TSG101: variants seen among roughly 807,000 people sequenced by gnomAD.
TSG101 encodes tumor susceptibility gene 101 protein.
A neutral mutation model predicts 48.5 loss-of-function variants in TSG101; 19 were observed. The ratio of observed to expected loss-of-function variants is 0.39; its 90% confidence interval spans 0.27 to 0.58. The LOEUF (loss-of-function observed/expected upper bound fraction) is 0.58. Among genes scored for constraint, TSG101 ranks in the 20% least tolerant of loss-of-function variants. The pLI is 0.55. For synonymous variants in TSG101, 174 were observed against 169.4 expected (o/e 1.03, Z -0.21); for missense variants, 365 against 484.4 (o/e 0.75, Z 2.31).
chr11:18,519,228 C>G (rs1035867307), intron 2 of TSG101, among the ~76,000 whole-genome samples: 1 of 152,090 alleles, frequency 6.6e-6, no homozygotes, highest in African/African-American at 2.4e-5. Context: ...TGGTCTCAAC[C>G]TCCTGGGCTC....
intron 8 of TSG101, among the ~76,000 whole-genome samples, chr11:18,483,142 G>A (rs1032546545): frequency 2.0e-5 from 3 of 152,024 alleles, no homozygotes; most frequent in African/African-American, 7.2e-5. Context: ...GATCTGATGG[G>A]TTTATCAGGG....
At chr11:18,504,437 AGAAAG>A (rs1477926822) in intron 6 of TSG101, among the ~76,000 whole-genome samples, 2 of 151,980 alleles carry the variant, frequency 1.3e-5, no homozygotes, top group African/African-American at 4.8e-5. Flanking sequence ...CAAAAAAAAA[AGAAAG>A]CATTTTTGTT....
chr11:18,491,563 C>T (rs1212963563), intron 7 of TSG101, among the ~76,000 whole-genome samples: 2 of 152,212 alleles, frequency 1.3e-5, no homozygotes, highest in Admixed American at 6.5e-5. Context: ...GGGTTGCCCA[C>T]GTGTCTTTCC....
intron 1 of TSG101, among the ~76,000 whole-genome samples, chr11:18,525,249 T>C (rs536176269): frequency 1.3e-5 from 2 of 151,962 alleles, no homozygotes; most frequent in Non-Finnish European, 2.9e-5. Flanking sequence ...AATTTAAAGA[T>C]CAAAAATGTC....
chr11:18,496,442 AAAAAT>A (rs201480350), intron 7 of TSG101, among the ~76,000 whole-genome samples: 18,481 of 109,914 alleles, frequency 0.17, 1,875 homozygotes, highest in East Asian at 0.2. Flanking sequence ...ACTCTGTCTC[AAAAAT>A]AAAATAAAAT....
chr11:18,483,049 G>A (rs1565080535), intron 8 of TSG101, among the ~76,000 whole-genome samples: 1 of 152,056 alleles, frequency 6.6e-6, no homozygotes, highest in Non-Finnish European at 1.5e-5. Context: ...TGTGTAGCAG[G>A]GGGTGGGGAG....
intron 4 of TSG101, chr11:18,511,419 G>T (rs868057325): frequency 3.3e-4 from 51 of 152,264 alleles, no homozygotes; most frequent in African/African-American, 1.2e-3. Flanking sequence ...GTGAAAACTT[G>T]CTGATATCTA....
At chr11:18,520,957 G>C (rs961401026) in intron 1 of TSG101, among the ~76,000 whole-genome samples, 6 of 151,978 alleles carry the variant, frequency 3.9e-5, no homozygotes, top group Admixed American at 6.6e-5. Flanking sequence ...CTTGAACCCA[G>C]GAGGCAGAGG....
At chr11:18,509,712 G>A (rs781157078) in intron 4 of TSG101, 47 bp from the exon 5 acceptor site, 5 of 1,517,324 alleles carry the variant, frequency 3.3e-6, no homozygotes, top group Admixed American at 4.0e-5. Context: ...TTGCTTTTCA[G>A]TAAAAAGAAA....
intron 7 of TSG101, among the ~76,000 whole-genome samples, chr11:18,496,918 C>A (rs1353977512): frequency 1.3e-5 from 2 of 152,022 alleles, no homozygotes; most frequent in Non-Finnish European, 2.9e-5. Context: ...TGGTAAAACC[C>A]TGTCTCTACT....
At chr11:18,509,499 T>A in intron 5 of TSG101, 43 bp downstream of exon 5, 1 of 1,588,788 alleles carries the variant, frequency 6.3e-7, no homozygotes, top group Non-Finnish European at 8.6e-7. Context: ...TCTGTTCTCT[T>A]TTGTTTATAT....
At chr11:18,489,289 C>T (rs2133906589) in intron 7 of TSG101, among the ~76,000 whole-genome samples, 1 of 149,178 alleles carries the variant, frequency 6.7e-6, no homozygotes, top group East Asian at 2.0e-4. Flanking sequence ...GCGGTTATTT[C>T]ACAGGTGCAA....
chr11:18,491,552 T>C (rs1849702061), intron 7 of TSG101, among the ~76,000 whole-genome samples: 1 of 152,244 alleles, frequency 6.6e-6, no homozygotes, highest in African/African-American at 2.4e-5. Context: ...TGAAACTTTC[T>C]GGGTTGCCCA....
At chr11:18,526,603 C>T (rs1265170951) in intron 1 of TSG101, among the ~76,000 whole-genome samples, 172 bp downstream of exon 1, 2 of 152,248 alleles carry the variant, frequency 1.3e-5, no homozygotes, top group Non-Finnish European at 2.9e-5. Flanking sequence ...TACGGGGATT[C>T]CCGCACCAGG....
Position 18,526,919 on chromosome 11 carries a change from A to C in TSG101, c.-103T>G. ...TCGCACACCCCCAACCCGGCCTCAA[A>C]CAACAGGAAGTCGGCACCACTACAC... On this transcript the variant is annotated 5_prime_UTR_variant, in exon 1 of 10. Coordinates refer to ENST00000251968, the MANE Select transcript of TSG101 (RefSeq NM_006292.4). 2 of 1,331,448 alleles carry C rather than the reference A, an allele frequency of 1.5e-6. No individual in the cohort carries two copies. Among genetic ancestry groups the C allele is most frequent in the Non-Finnish European group, 2.1e-6 (2 of 971,146 alleles). 82.5% of individuals were successfully genotyped at this position (1,331,448 alleles called of 1,614,324 possible).
intron 6 of TSG101, among the ~76,000 whole-genome samples, chr11:18,506,074 A>G (rs1370853522): frequency 6.6e-6 from 1 of 152,040 alleles, no homozygotes; most frequent in Non-Finnish European, 1.5e-5. Flanking sequence ...ATCCGCCTGC[A>G]TCGGCCTCCG....
In TSG101 at chr11:18,489,579, T is replaced by C. The variant is rs145997806; in HGVS notation, c.641-5507A>G. On this transcript the variant is annotated intron_variant, in intron 7 of 9. Coordinates refer to ENST00000251968, the MANE Select transcript of TSG101 (RefSeq NM_006292.4). ...AAAGGGGATTTAGTCAGGTGTGTTATATGAGCACTTGGACTTTTCAAGGTG... is the reference window on the plus strand; with the variant it reads ...AAAGGGGATTTAGTCAGGTGTGTTACATGAGCACTTGGACTTTTCAAGGTG... Among the ~76,000 whole-genome samples, 212 of 152,360 alleles carry C rather than the reference T, an allele frequency of 1.4e-3. 1 individual carries two copies. Among genetic ancestry groups the C allele is most frequent in the African/African-American group, 4.6e-3 (193 of 41,576 alleles).
rs767870730 is a variant in TSG101 at position 18,480,542 on chromosome 11, G to A, written c.*4C>T. On this transcript the variant is annotated 3_prime_UTR_variant, in exon 10 of 10. Transcript: ENST00000251968. The stretch of plus-strand genomic sequence containing the variant: ...AGCTCAACCTCCAGCTGGTATCAGA[G>A]AAGTCAGTAGAGGTCACTGAGACCG... The A allele has an allele frequency of 6.2e-7, 1 of 1,611,718 alleles. No individual in the cohort carries two copies. The highest frequency in any genetic ancestry group is 1.3e-5 in the African/African-American group (1 of 74,892).
At chr11:18,495,666 GTT>G (rs35958204) in intron 7 of TSG101, among the ~76,000 whole-genome samples, 16,690 of 135,814 alleles carry the variant, frequency 0.12, 1,027 homozygotes, top group South Asian at 0.25. Flanking sequence ...TACCAGTTAG[GTT>G]TTTTTTTTTT....
Sources: gnomAD v4.1 joint callset for allele counts (sites outside exome capture counted in the v4.1 genomes callset) on GRCh38, gnomAD v4.1.1 for gene constraint, MANE v1.5 for transcripts, NCBI Gene and HGNC (gene_info 2026-07-23, HGNC 2026-07-21) for gene names.